FGF12: variants seen among roughly 807,000 people sequenced by gnomAD.
FGF12 encodes fibroblast growth factor 12, also known as fibroblast growth factor 12B.
Under a neutral mutation model 23.6 loss-of-function variants are expected in FGF12, and 14 were observed. The ratio of observed to expected loss-of-function variants is 0.59; its 90% CI spans 0.39 to 0.93. The LOEUF is 0.93. Among genes scored for constraint, FGF12 ranks in the 40% least tolerant of loss-of-function variants. FGF12 has a pLI of 0.00. For missense variants in FGF12, 175 were observed against 217.8 expected, an observed-to-expected ratio of 0.80 and a Z score of 1.24; for synonymous variants, 62 against 77.3, an observed-to-expected ratio of 0.80 and a Z score of 1.04.
intron 2 of FGF12, among the ~76,000 whole-genome samples, chr3:192,464,734 C>T (rs905790214): frequency 5.3e-5 from 8 of 152,110 alleles, no homozygotes; most frequent in Non-Finnish European, 7.4e-5. Flanking sequence ...GGAGAAGGGG[C>T]TCTGCTTTAC....
At position 192,400,265 on chromosome 3, in the gene FGF12, GT is replaced by G. The variant is rs551939178; in HGVS notation, c.14-39728del. On this transcript the variant is annotated intron_variant, in intron 2 of 5. Transcript: ENST00000445105. ...CTTGACGATTCGAAGGCCAATGAGT[GT>G]TTCTTGAGAGTTCAAGAATAAAGTA... Among the ~76,000 whole-genome samples the G allele has an allele frequency of 1.5e-3, 230 of 151,836 alleles. 1 individual carries two copies. Among genetic ancestry groups the G allele is most frequent in the Non-Finnish European group, 2.5e-3 (168 of 67,980 alleles).
At chr3:192,576,199 G>T (rs554195193) in intron 2 of FGF12, among the ~76,000 whole-genome samples, 1 of 152,214 alleles carries the variant, frequency 6.6e-6, no homozygotes, top group South Asian at 2.1e-4. Context: ...TTGCCTTTGG[G>T]TTAGAAAAGT....
At chr3:192,238,923 C>T (rs919894566) in intron 4 of FGF12, among the ~76,000 whole-genome samples, 2 of 152,192 alleles carry the variant, frequency 1.3e-5, no homozygotes, top group African/African-American at 4.8e-5. Flanking sequence ...ATCTAATTCT[C>T]CCAAATGTGA....
chr3:192,513,433 T>C (rs905896598), intron 2 of FGF12, among the ~76,000 whole-genome samples: 1 of 152,188 alleles, frequency 6.6e-6, no homozygotes, highest in East Asian at 1.9e-4. Context: ...TTCTTTTTAG[T>C]AGTTTTCTAT....
At chr3:192,254,984 A>G (rs1039010915) in intron 4 of FGF12, among the ~76,000 whole-genome samples, 2 of 152,192 alleles carry the variant, frequency 1.3e-5, no homozygotes, top group Middle Eastern at 6.8e-3. Context: ...TAGAGAGATG[A>G]GAGGTATGGA....
chr3:192,417,203 C>A lies in FGF12; in HGVS notation c.14-56665G>T, dbSNP rs554500212. On this transcript the variant is annotated intron_variant, in intron 2 of 5. Transcript: ENST00000445105. ...CAGCATGATCCTCATTGCATTTTGA[C>A]AGTTCTTTCTCTCATTTCTTTAAAA... 2.0e-5 allele frequency among the ~76,000 whole-genome samples: 3 copies of A among 152,144 alleles called. No individual in the cohort carries two copies. The East Asian group carries it at 5.8e-4, about 29-fold the overall frequency.
intron 4 of FGF12, among the ~76,000 whole-genome samples, chr3:192,291,309 G>C (rs1041420500): frequency 9.2e-5 from 14 of 152,122 alleles, no homozygotes; most frequent in African/African-American, 3.4e-4. Context: ...GGCCAGGCAT[G>C]GTGGCTTATA....
intron 2 of FGF12, among the ~76,000 whole-genome samples, chr3:192,570,018 A>T (rs565141779): frequency 6.6e-6 from 1 of 152,380 alleles, no homozygotes; most frequent in Non-Finnish European, 1.5e-5. Flanking sequence ...GATGACTGCA[A>T]GGAGGCAGAA....
intron 4 of FGF12, among the ~76,000 whole-genome samples, chr3:192,279,412 T>A (rs1714011496): frequency 6.6e-6 from 1 of 152,124 alleles, no homozygotes; most frequent in Non-Finnish European, 1.5e-5. Flanking sequence ...GACATTTTTC[T>A]AAGCATTTCA....
intron 2 of FGF12, among the ~76,000 whole-genome samples, chr3:192,496,680 C>T (rs6780468): frequency 0.59 from 89,389 of 151,928 alleles, 29,302 homozygotes; most frequent in Non-Finnish European, 0.74. Flanking sequence ...TTGTCACCCA[C>T]TTCTCCGTCG....
intron 4 of FGF12, among the ~76,000 whole-genome samples, chr3:192,171,896 C>CT (rs760003129): frequency 0.043 from 6,535 of 152,126 alleles, 189 homozygotes; most frequent in Admixed American, 0.058. Context: ...CTCTTTCTCT[C>CT]CCTCTCTCCT....
At chr3:192,430,396 T>C (rs1721826337) in intron 2 of FGF12, among the ~76,000 whole-genome samples, 3 of 152,182 alleles carry the variant, frequency 2.0e-5, no homozygotes, top group African/African-American at 2.4e-5. Flanking sequence ...TCGGTGGGTA[T>C]AGTTTCGGTT....
intron 4 of FGF12, among the ~76,000 whole-genome samples, chr3:192,329,762 A>G (rs1360232225): frequency 6.6e-6 from 1 of 152,200 alleles, no homozygotes; most frequent in Non-Finnish European, 1.5e-5. Context: ...TACATTTTAA[A>G]TCAAAACTGG....
At chr3:192,291,151 C>G (rs553579676) in intron 4 of FGF12, among the ~76,000 whole-genome samples, 3 of 152,194 alleles carry the variant, frequency 2.0e-5, no homozygotes, top group East Asian at 1.9e-4. Context: ...TGATTTACTA[C>G]TATTGAGTAG....
At chr3:192,637,685 T>A (rs1283720026) in intron 2 of FGF12, among the ~76,000 whole-genome samples, 1 of 152,148 alleles carries the variant, frequency 6.6e-6, no homozygotes, top group Non-Finnish European at 1.5e-5. Context: ...AGTCACAGAA[T>A]AGAATTCTTT....
At chr3:192,667,663 T>C (rs1023957373) in intron 2 of FGF12, among the ~76,000 whole-genome samples, 24 of 123,658 alleles carry the variant, frequency 1.9e-4, no homozygotes, top group African/African-American at 6.9e-4. Context: ...AGAGACGGAG[T>C]GAGGGGAAGT....
intron 2 of FGF12, among the ~76,000 whole-genome samples, chr3:192,546,046 C>T (rs537746236): frequency 1.3e-5 from 2 of 152,238 alleles, no homozygotes; most frequent in South Asian, 4.1e-4. Context: ...GTAATTATTG[C>T]CTTAGGAAAG....
intron 2 of FGF12, among the ~76,000 whole-genome samples, chr3:192,440,275 A>G (rs1420929752): frequency 6.6e-6 from 1 of 152,220 alleles, no homozygotes; most frequent in Non-Finnish European, 1.5e-5. Context: ...AGATAAATGA[A>G]AAACACTGCA....
At chr3:192,427,355 G>A (rs1325161523) in intron 2 of FGF12, among the ~76,000 whole-genome samples, 7 of 150,554 alleles carry the variant, frequency 4.6e-5, no homozygotes, top group Non-Finnish European at 8.8e-5. Context: ...CTTCAGCCTG[G>A]GCGACAGAGC....
Sources: allele counts gnomAD v4.1 joint callset (sites outside exome capture counted in the v4.1 genomes callset), GRCh38; gene constraint gnomAD v4.1.1; transcripts MANE v1.5; gene names NCBI Gene and HGNC (gene_info 2026-07-23, HGNC 2026-07-21).